The following GPR158 variants were observed in gnomAD, a reference collection of about 807,000 sequenced individuals.
GPR158 encodes G protein-coupled receptor 158.
A neutral mutation model predicts 78.2 loss-of-function variants in GPR158; 30 were observed. That is an observed-to-expected ratio of 0.38 (90% CI 0.29 to 0.52). GPR158 has a LOEUF of 0.52. GPR158 is among the 20% of genes least tolerant of loss of function. The probability of loss-of-function intolerance (pLI) is 0.83; values close to 1 mark genes in which losing one functional copy is unlikely to be tolerated. For missense variants in GPR158, 1,463 were observed against 1,523.5 expected, an observed-to-expected ratio of 0.96 and a Z score of 0.66; for synonymous variants, 581 against 591.1, an observed-to-expected ratio of 0.98 and a Z score of 0.25.
At chr10:25,548,167 A>G (rs1300115656) in intron 5 of GPR158, among the ~76,000 whole-genome samples, 1 of 152,196 alleles carries the variant, frequency 6.6e-6, no homozygotes, top group Non-Finnish European at 1.5e-5. Flanking sequence ...AATATTTAAT[A>G]TGTATAAACT....
At chr10:25,198,094 C>T (rs1482001338) in intron 1 of GPR158, among the ~76,000 whole-genome samples, 2 of 152,152 alleles carry the variant, frequency 1.3e-5, no homozygotes, top group African/African-American at 2.4e-5. Context: ...TGAACCTTAG[C>T]AATTTTAAGA....
chr10:25,217,908 T>A, intron 1 of GPR158, among the ~76,000 whole-genome samples: 1 of 152,038 alleles, frequency 6.6e-6, no homozygotes, highest in East Asian at 1.9e-4. Flanking sequence ...CACTTTCCTG[T>A]CCTGAGGCCA....
chr10:25,227,269 G>A (rs960116001), intron 2 of GPR158, among the ~76,000 whole-genome samples: 1 of 152,188 alleles, frequency 6.6e-6, no homozygotes, highest in Admixed American at 6.5e-5. Context: ...TTCACCAGTG[G>A]CTATCGCCAT....
chr10:25,338,477 ATAATATACGTATAATATACGT>A (rs1855250115), intron 2 of GPR158, among the ~76,000 whole-genome samples: 6 of 131,460 alleles, frequency 4.6e-5, no homozygotes, highest in Admixed American at 3.7e-4. Flanking sequence ...TATTATACGT[ATAATATACGTATAATATACGT>A]ATATATATTA....
intron 4 of GPR158, among the ~76,000 whole-genome samples, chr10:25,455,352 T>C (rs1251930461): frequency 1.3e-5 from 2 of 152,170 alleles, no homozygotes; most frequent in East Asian, 3.8e-4. Context: ...TTTGATAAGG[T>C]TAAACAGAAT....
At chr10:25,330,851 A>T (rs545833256) in intron 2 of GPR158, among the ~76,000 whole-genome samples, 1 of 152,028 alleles carries the variant, frequency 6.6e-6, no homozygotes, top group South Asian at 2.1e-4. Flanking sequence ...TCACAACTGC[A>T]TAATACAATG....
chr10:25,304,678 C>T (rs916514573), intron 2 of GPR158, among the ~76,000 whole-genome samples: 1 of 151,970 alleles, frequency 6.6e-6, no homozygotes, highest in Non-Finnish European at 1.5e-5. Flanking sequence ...AACGATTTTC[C>T]ACATTTTACA....
chr10:25,350,574 G>A (rs1223550500), intron 2 of GPR158, among the ~76,000 whole-genome samples: 2 of 151,982 alleles, frequency 1.3e-5, no homozygotes, highest in African/African-American at 2.4e-5. Context: ...AGGATTGTCA[G>A]GATAAGAAGT....
At chr10:25,200,127 C>T (rs184559458) in intron 1 of GPR158, among the ~76,000 whole-genome samples, 1 of 152,274 alleles carries the variant, frequency 6.6e-6, no homozygotes, top group African/African-American at 2.4e-5. Flanking sequence ...TTTACATTCC[C>T]ACCAATAGTG....
At chr10:25,372,167 C>CATA (rs1197879333) in intron 2 of GPR158, among the ~76,000 whole-genome samples, 1 of 151,872 alleles carries the variant, frequency 6.6e-6, no homozygotes, top group African/African-American at 2.4e-5. Flanking sequence ...GATACCATCT[C>CATA]ATACTGGTTA....
In GPR158 at chr10:25,175,359, G is replaced by T. The variant is rs981954943; in HGVS notation, c.-62G>T. On this transcript the variant is annotated 5_prime_UTR_variant, in exon 1 of 11. Transcript: ENST00000376351. This position sits in a 1 kb window ranked among gnomAD's most constrained non-coding sequence, Gnocchi z 6.4. ...AAAGTCTGACTGTTGAGAAACTGAC[G>T]ATCCAAATTTAAAAAGTGATTCCCC... 38 of 1,030,932 alleles carry T rather than the reference G, an allele frequency of 3.7e-5. No homozygotes were observed. The highest frequency in any genetic ancestry group is 5.2e-5 in the Non-Finnish European group (36 of 695,252). The allele number at this position is 1,030,932 out of a possible 1,614,324, so 63.9% of individuals were successfully genotyped here.
intron 1 of GPR158, among the ~76,000 whole-genome samples, chr10:25,219,532 C>T (rs1853268939): frequency 6.6e-6 from 1 of 152,150 alleles, no homozygotes; most frequent in Non-Finnish European, 1.5e-5. Flanking sequence ...TTTCATTTCA[C>T]TGATCATCTG....
chr10:25,506,101 G>C (rs1362411073), intron 5 of GPR158, among the ~76,000 whole-genome samples: 1 of 152,136 alleles, frequency 6.6e-6, no homozygotes, highest in Non-Finnish European at 1.5e-5. Flanking sequence ...CTAGGTTCTG[G>C]CTGTAGCACA....
At chr10:25,475,043 T>C (rs1340566295) in intron 5 of GPR158, among the ~76,000 whole-genome samples, 1 of 152,170 alleles carries the variant, frequency 6.6e-6, no homozygotes, top group African/African-American at 2.4e-5. Flanking sequence ...ATTGTAAAGC[T>C]TCTGAAATAG....
At chr10:25,237,578 C>T (rs189543575) in intron 2 of GPR158, among the ~76,000 whole-genome samples, 1 of 152,078 alleles carries the variant, frequency 6.6e-6, no homozygotes, top group African/African-American at 2.4e-5. Context: ...AAAGGGTGTA[C>T]AGAATTTAGA....
At chr10:25,373,408 T>C (rs1321753716) in intron 2 of GPR158, among the ~76,000 whole-genome samples, 1 of 151,948 alleles carries the variant, frequency 6.6e-6, no homozygotes, top group African/African-American at 2.4e-5. Flanking sequence ...ATAATAATGT[T>C]TTAAGTATTT....
chr10:25,597,456 T>C lies in GPR158; in HGVS notation c.2146-316T>C, dbSNP rs199730885. ...TGAGTTCGTGTCTTAAAGTCCACAC[T>C]TTATGTGAAACAAAACACAAAAGAA... On this transcript the variant is annotated intron_variant, in intron 10 of 10. Coordinates refer to ENST00000376351, the MANE Select transcript of GPR158 (RefSeq NM_020752.3). Among the ~76,000 whole-genome samples the C allele has an allele frequency of 5.9e-5, 9 of 152,336 alleles. No homozygotes were observed. The East Asian group carries it at 1.7e-3, about 29-fold the overall frequency.
At chr10:25,389,774 C>G (rs901368388) in intron 2 of GPR158, among the ~76,000 whole-genome samples, 5 of 152,072 alleles carry the variant, frequency 3.3e-5, no homozygotes, top group African/African-American at 1.2e-4. Context: ...CTGTGACATC[C>G]TTTTTAGGTC....
chr10:25,353,805 T>C (rs1478435992), intron 2 of GPR158, among the ~76,000 whole-genome samples: 4 of 152,096 alleles, frequency 2.6e-5, no homozygotes, highest in African/African-American at 9.7e-5. Flanking sequence ...TCTTTATCCA[T>C]TCAGCCACTG....
Sources: gnomAD v4.1 joint callset for allele counts (sites outside exome capture counted in the v4.1 genomes callset) on GRCh38, gnomAD v4.1.1 for gene constraint, Gnocchi (gnomAD v3.1) non-coding constraint, MANE v1.5 for transcripts, NCBI Gene and HGNC (gene_info 2026-07-23, HGNC 2026-07-21) for gene names.